Variants in KIF9 observed in about 807,000 individuals in gnomAD.
The protein encoded by KIF9 is kinesin family member 9.
A neutral mutation model predicts 94.8 loss-of-function variants in KIF9; 68 were observed. The observed-to-expected ratio is 0.72, with a 90% CI of 0.59 to 0.88. KIF9 has a LOEUF of 0.88. Among genes scored for constraint, KIF9 ranks in the 40% least tolerant of loss-of-function variants. The pLI, the probability that KIF9 is intolerant of heterozygous loss-of-function variation, is 0.00. For missense variants in KIF9, 882 were observed against 982.5 expected, an observed-to-expected ratio of 0.90 and a Z score of 1.37; for synonymous variants, 343 against 362.1, an observed-to-expected ratio of 0.95 and a Z score of 0.60.
chr3:47,265,320 C>T (rs2107437424), intron 8 of KIF9, among the ~76,000 whole-genome samples: 1 of 152,186 alleles, frequency 6.6e-6, no homozygotes, highest in African/African-American at 2.4e-5. Flanking sequence ...TGTTGTCAGG[C>T]TCAACACAAA....
At chr3:47,278,212 CAG>C (rs1702100006) in intron 1 of KIF9, among the ~76,000 whole-genome samples, 1 of 151,964 alleles carries the variant, frequency 6.6e-6, no homozygotes, top group Non-Finnish European at 1.5e-5. Context: ...GCTGGGACTA[CAG>C]GTGCGTACCA....
In KIF9 at chr3:47,236,526, T is replaced by G. The variant is rs1699039174; in HGVS notation, c.2018A>C (p.Glu673Ala). Residue 673 changes from glutamate to alanine, a missense_variant, in exon 18 of 21, where the codon GAG becomes GCG. Physicochemically the swap from Glu to Ala is moderately radical, Grantham distance 107 (BLOSUM62 -1). Coordinates refer to ENST00000684063, the MANE Select transcript of KIF9 (RefSeq NM_182902.4). ...LKDLKKQYRS[E>A]YQDLRDLRAE... ...CCTGAGGTCACGCAGGTCCTGGTAC[T>G]CGCTGCGGTACTGCTTCTTGAGGTC... is the stretch of plus-strand genomic sequence containing the variant. The G allele has an allele frequency of 6.2e-7, 1 of 1,613,922 alleles. No individual in the cohort carries two copies. The highest frequency in any genetic ancestry group is 1.3e-5 in the African/African-American group (1 of 74,940).
chr3:47,244,882 C>T lies in KIF9; in HGVS notation c.1423G>A (p.Glu475Lys). The change falls in exon 15 of 21, where the codon GAA (glutamate) becomes AAA (lysine). Residue 475 changes from glutamate to lysine, a missense_variant. Transcript: ENST00000684063. ...DVDGHLVGEP[E>K]GQNFGLGVAP... ...ACTCCGAGTCCAAAGTTTTGTCCTT[C>T]AGGCTCACCCACTAGGTGGCCATCA... 6.2e-7 allele frequency: 1 copy of T among 1,614,192 alleles called. No homozygotes were observed. Among genetic ancestry groups the T allele is most frequent in the Non-Finnish European group, 8.5e-7 (1 of 1,180,022 alleles).
In KIF9 at chr3:47,271,467, T is replaced by A; in HGVS notation, c.367-6A>T. The A allele has an allele frequency of 6.2e-7, 1 of 1,612,746 alleles. No homozygotes were observed. Among genetic ancestry groups the A allele is most frequent in the Non-Finnish European group, 8.5e-7 (1 of 1,178,926 alleles). ...TCTTCGATCATCCTAAAAACCTAGATGACAGATTGTACAGCGGTCACCAAG... is the reference window on the plus strand; with the variant it reads ...TCTTCGATCATCCTAAAAACCTAGAAGACAGATTGTACAGCGGTCACCAAG... On this transcript the variant is annotated splice_polypyrimidine_tract_variant and splice_region_variant and intron_variant, in intron 4 of 20. Coordinates refer to ENST00000684063, the MANE Select transcript of KIF9 (RefSeq NM_182902.4).
At chr3:47,259,758 T>G (rs1375123176) in intron 9 of KIF9, among the ~76,000 whole-genome samples, 2 of 145,326 alleles carry the variant, frequency 1.4e-5, no homozygotes, top group African/African-American at 5.2e-5. Flanking sequence ...AACAGATGCT[T>G]GAAGGCAGCA....
chr3:47,236,623 C>T lies in KIF9; in HGVS notation c.1925-4G>A. On this transcript the variant is annotated splice_region_variant and splice_polypyrimidine_tract_variant and intron_variant, in intron 17 of 20. Transcript: ENST00000684063. The stretch of plus-strand genomic sequence containing the variant: ...AGCCCCTTGTTTTCGTACTTGCCTG[C>T]AAGGTGATGGAAGAAGTCAGGAAAT... 2 of 1,613,324 alleles carry T rather than the reference C, an allele frequency of 1.2e-6. No homozygotes were observed. The highest frequency in any genetic ancestry group is 2.2e-5 in the South Asian group (2 of 91,004).
intron 5 of KIF9, among the ~76,000 whole-genome samples, chr3:47,268,267 A>T (rs11915074): frequency 0.34 from 51,106 of 152,098 alleles, 8,952 homozygotes; most frequent in Middle Eastern, 0.47. Flanking sequence ...AATTTTTTGT[A>T]GAGACAGGGT....
intron 3 of KIF9, among the ~76,000 whole-genome samples, chr3:47,274,597 T>C (rs1034758424): frequency 6.6e-6 from 1 of 152,202 alleles, no homozygotes; most frequent in African/African-American, 2.4e-5. Flanking sequence ...CCAACACAAA[T>C]GAACAGGAAG....
chr3:47,230,737 G>A (rs1228985528), intron 20 of KIF9, among the ~76,000 whole-genome samples: 2 of 142,540 alleles, frequency 1.4e-5, no homozygotes, highest in East Asian at 2.1e-4. Context: ...TCTTGTGGGG[G>A]AAAAAAAAAG....
intron 5 of KIF9, among the ~76,000 whole-genome samples, chr3:47,267,863 T>A (rs1701384232): frequency 6.6e-6 from 1 of 150,878 alleles, no homozygotes; most frequent in South Asian, 2.1e-4. Flanking sequence ...TTATTTATTT[T>A]GTGTTCTCCT....
Position 47,274,232 on chromosome 3 carries a change from C to G in KIF9, c.260-574G>C, listed in dbSNP as rs561171484. ...GTTCCATGTCACTTCCAGAAATGTA[C>G]CACCATGATCAGGCCCTGATCTGGT... On this transcript the variant is annotated intron_variant, in intron 3 of 20. Transcript: ENST00000684063. Among the ~76,000 whole-genome samples the G allele has an allele frequency of 2.6e-5, 4 of 152,326 alleles. No individual in the cohort carries two copies. The South Asian group carries it at 8.3e-4, about 32-fold the overall frequency.
chr3:47,279,177 A>C (rs1702164182), intron 1 of KIF9, among the ~76,000 whole-genome samples: 1 of 149,800 alleles, frequency 6.7e-6, no homozygotes, highest in Non-Finnish European at 1.5e-5. Flanking sequence ...AAAAAAAAAA[A>C]AAAAACTAAC....
intron 10 of KIF9, among the ~76,000 whole-genome samples, chr3:47,255,683 C>G (rs558506174): frequency 6.6e-6 from 1 of 152,176 alleles, no homozygotes; most frequent in East Asian, 1.9e-4. Flanking sequence ...CCTGAAGATG[C>G]CCTTTTTCTT....
At position 47,271,325 on chromosome 3, in the gene KIF9, A is replaced by G; in HGVS notation, c.503T>C (p.Ile168Thr). The G allele has an allele frequency of 6.2e-7, 1 of 1,614,052 alleles. No homozygotes were observed. The highest frequency in any genetic ancestry group is 8.5e-7 in the Non-Finnish European group (1 of 1,180,002). ...YVGPSVTPMTIVENPQGVFIK... is the reference protein window; with the variant it reads ...YVGPSVTPMTTVENPQGVFIK... ...GAAGACTCCTTGAGGGTTTTCCACG[A>G]TGGTCATTGGTGTGACTGAGGGTCC... The change falls in exon 5 of 21, where the codon ATC (isoleucine) becomes ACC (threonine). Residue 168 changes from isoleucine (I) to threonine (T), a missense_variant. By Grantham distance (89) the Ile-to-Thr change is moderately conservative. Coordinates refer to ENST00000684063, the MANE Select transcript of KIF9 (RefSeq NM_182902.4).
intron 4 of KIF9, among the ~76,000 whole-genome samples, chr3:47,272,283 G>A (rs189052544): frequency 1.3e-5 from 2 of 152,188 alleles, no homozygotes; most frequent in East Asian, 1.9e-4. Context: ...AATTTAGACC[G>A]GTTTTGTTCA....
intron 9 of KIF9, among the ~76,000 whole-genome samples, chr3:47,259,039 T>TGAGCCATTC (rs1262931350): frequency 6.6e-6 from 1 of 152,202 alleles, no homozygotes; most frequent in Non-Finnish European, 1.5e-5. Context: ...AAGACACCCC[T>TGAGCCATTC]GAGCCATTCC....
chr3:47,255,666 G>C (rs1700526362), intron 10 of KIF9, among the ~76,000 whole-genome samples: 2 of 151,988 alleles, frequency 1.3e-5, no homozygotes, highest in Non-Finnish European at 2.9e-5. Context: ...GCCAGTCTAG[G>C]GTAGAGCCTG....
chr3:47,266,054 G>C, intron 7 of KIF9, 177 bp from the exon 8 acceptor site: 1 of 587,660 alleles, frequency 1.7e-6, no homozygotes, highest in Non-Finnish European at 3.0e-6. Context: ...GGCTAATAAT[G>C]GTAATACCAA....
chr3:47,263,073 A>G (rs1701083068), intron 9 of KIF9, among the ~76,000 whole-genome samples: 1 of 151,952 alleles, frequency 6.6e-6, no homozygotes, highest in African/African-American at 2.4e-5. Context: ...TAATTTTTGT[A>G]TTTTTAGTAG....
Sources: allele counts gnomAD v4.1 joint callset (sites outside exome capture counted in the v4.1 genomes callset), GRCh38; gene constraint gnomAD v4.1.1; transcripts MANE v1.5; gene names NCBI Gene and HGNC (gene_info 2026-07-23, HGNC 2026-07-21).